The following CDH19 variants were observed in gnomAD, a reference collection of about 807,000 sequenced individuals.
CDH19 encodes cadherin 19.
Under a neutral mutation model 64.2 loss-of-function variants are expected in CDH19, and 67 were observed. The ratio of observed to expected loss-of-function variants is 1.04; its 90% CI spans 0.86 to 1.28. The LOEUF is 1.28. CDH19 is among the 50% of genes most tolerant of loss of function. CDH19 has a pLI of 0.00. For synonymous variants in CDH19, 346 were observed against 319.3 expected, an observed-to-expected ratio of 1.08 and a Z score of -0.89; for missense variants, 1,030 against 929.0, an observed-to-expected ratio of 1.11 and a Z score of -1.41.
intron 1 of CDH19, among the ~76,000 whole-genome samples, chr18:66,595,949 T>C (rs1397247244): frequency 6.6e-6 from 1 of 152,054 alleles, no homozygotes; most frequent in East Asian, 1.9e-4. Context: ...CAGCAACATA[T>C]CAAATTCAAT....
rs759463010 is a variant in CDH19 at position 66,554,497 on chromosome 18, C to T, written c.518G>A (p.Ser173Asn). The T allele has an allele frequency of 1.9e-6, 3 of 1,610,774 alleles. No individual in the cohort carries two copies. Among genetic ancestry groups the T allele is most frequent in the African/African-American group, 1.3e-5 (1 of 74,838 alleles). The change falls in exon 4 of 12, where the codon AGT becomes AAT. Residue 173 changes from serine to asparagine, a missense_variant. Transcript: ENST00000262150. Reference sequence around the variant, plus strand: ...ACCACTTGAGGGATCGTCAGCATCACTTGCTGTCACCTGGATAACTAATGT... The same window carrying T: ...ACCACTTGAGGGATCGTCAGCATCATTTGCTGTCACCTGGATAACTAATGT... ...EGTLVIQVTASDADDPSSGNN... is the reference protein window; with the variant it reads ...EGTLVIQVTANDADDPSSGNN...
intron 2 of CDH19, 129 bp from the exon 3 acceptor site, chr18:66,568,839 T>C (rs796748962): frequency 5.8e-6 from 4 of 692,788 alleles, no homozygotes; most frequent in African/African-American, 5.4e-5. Context: ...CACATTACAT[T>C]AAATGAGGCA....
intron 2 of CDH19, among the ~76,000 whole-genome samples, chr18:66,570,966 G>T (rs1277210715): frequency 6.6e-6 from 1 of 151,650 alleles, no homozygotes; most frequent in African/African-American, 2.4e-5. Flanking sequence ...AAGGTAGCTA[G>T]AGACTCAGTT....
intron 3 of CDH19, among the ~76,000 whole-genome samples, chr18:66,558,852 TG>T (rs1424999990): frequency 1.3e-5 from 2 of 152,192 alleles, no homozygotes; most frequent in East Asian, 3.9e-4. Flanking sequence ...TAAGAACATA[TG>T]TAAGTATTTC....
chr18:66,509,966 A>C (rs1234167614), intron 10 of CDH19, among the ~76,000 whole-genome samples: 2 of 151,866 alleles, frequency 1.3e-5, no homozygotes, highest in Non-Finnish European at 2.9e-5. Flanking sequence ...CATTCAAAAA[A>C]ATTCATGAAA....
In CDH19 at chr18:66,544,189, A is replaced by G; in HGVS notation, c.996T>C (p.Ile332=). 1 of 1,613,812 alleles carries G rather than the reference A, an allele frequency of 6.2e-7. No individual in the cohort carries two copies. The highest frequency in any genetic ancestry group is 1.1e-5 in the South Asian group (1 of 91,070). Reference sequence around the variant, plus strand: ...CATGATGGTTTTTAACTTTTGCTCTAATACCGTAGTGGTTCTGGTGCTCAA... The same window carrying G: ...CATGATGGTTTTTAACTTTTGCTCTGATACCGTAGTGGTTCTGGTGCTCAA... ...VDFEHQNHYG[I]RAKVKNHHVP... Residue 332 remains isoleucine (I), a synonymous_variant, in exon 7 of 12, where the codon ATT becomes ATC. Coordinates refer to ENST00000262150, the MANE Select transcript of CDH19 (RefSeq NM_021153.4).
chr18:66,564,166 G>A (rs900393887), intron 3 of CDH19, among the ~76,000 whole-genome samples: 34 of 151,682 alleles, frequency 2.2e-4, no homozygotes, highest in African/African-American at 7.7e-4. Context: ...TTCTATAAAA[G>A]CTCTCCTTTA....
intron 1 of CDH19, among the ~76,000 whole-genome samples, chr18:66,584,922 T>A (rs2144612086): frequency 6.6e-6 from 1 of 152,248 alleles, no homozygotes; most frequent in African/African-American, 2.4e-5. Context: ...CTTTGATTAT[T>A]TCAGAAGATA....
intron 7 of CDH19, among the ~76,000 whole-genome samples, chr18:66,540,731 C>T (rs996218483): frequency 6.6e-6 from 1 of 152,058 alleles, no homozygotes; most frequent in Admixed American, 6.6e-5. Context: ...CCACCTAATA[C>T]CATTTCATTG....
At chr18:66,548,639 A>C (rs1280613607) in intron 5 of CDH19, among the ~76,000 whole-genome samples, 1 of 152,162 alleles carries the variant, frequency 6.6e-6, no homozygotes, top group Non-Finnish European at 1.5e-5. Context: ...GAGAATTGAC[A>C]CTGCATTCCA....
rs150818004 is a variant in CDH19, at chr18:66,577,656, A to T, written c.-112-5340T>A. Among the ~76,000 whole-genome samples, 42 of 152,104 alleles carry T rather than the reference A, an allele frequency of 2.8e-4. No homozygotes were observed. The East Asian group carries it at 6.0e-3, about 22-fold the overall frequency. ...AAGTGCACTTGTTAAAAACTGTTAA[A>T]TTGGACCATATCAAAATGGAGATAA... On this transcript the variant is annotated intron_variant, in intron 1 of 11. Transcript: ENST00000262150.
intron 9 of CDH19, among the ~76,000 whole-genome samples, chr18:66,525,659 A>G (rs979535064): frequency 1.3e-5 from 2 of 152,154 alleles, no homozygotes; most frequent in Non-Finnish European, 2.9e-5. Context: ...ATGAGAAAGT[A>G]TCTACTATAA....
At chr18:66,508,404 T>TG (rs1489104868) in intron 11 of CDH19, among the ~76,000 whole-genome samples, 1 of 151,714 alleles carries the variant, frequency 6.6e-6, no homozygotes, top group Non-Finnish European at 1.5e-5. Context: ...GCGCTGTTTT[T>TG]TTTTTTAAAT....
At chr18:66,583,524 G>A (rs971025052) in intron 1 of CDH19, among the ~76,000 whole-genome samples, 5 of 151,970 alleles carry the variant, frequency 3.3e-5, no homozygotes, top group Non-Finnish European at 7.4e-5. Flanking sequence ...CCCAGTGTCT[G>A]TAGTTCCCTT....
chr18:66,589,192 G>A (rs1988669552), intron 1 of CDH19, among the ~76,000 whole-genome samples: 1 of 150,528 alleles, frequency 6.6e-6, no homozygotes, highest in African/African-American at 2.4e-5. Flanking sequence ...AGTTAACCAT[G>A]TTTATCACGT....
chr18:66,582,203 AT>A (rs1321345208), intron 1 of CDH19, among the ~76,000 whole-genome samples: 2 of 152,108 alleles, frequency 1.3e-5, no homozygotes, highest in Non-Finnish European at 2.9e-5. Context: ...TTAGTATATA[AT>A]TTTTCCCCTT....
chr18:66,543,747 G>A (rs1484150234), intron 7 of CDH19, among the ~76,000 whole-genome samples: 2 of 152,162 alleles, frequency 1.3e-5, no homozygotes, highest in African/African-American at 4.8e-5. Context: ...GCTGGGCGTG[G>A]TGGCGCATGC....
chr18:66,511,636 T>G lies in CDH19; in HGVS notation c.1508A>C (p.His503Pro), dbSNP rs182351851. ...TACAGATAGATTAAAGTAAAAATGG[T>G]GCTCTTCTATGGATTCATCTCTATC... ...AVDRDESIEE[H>P]HFYFNLSVED... is the part of the protein sequence containing the mutation. The change falls in exon 10 of 12, where the codon CAC (histidine) becomes CCC (proline). Residue 503 changes from histidine (H) to proline (P), a missense_variant. By Grantham distance (77) the His-to-Pro change is moderately conservative (BLOSUM62 -2). Transcript: ENST00000262150. 1 of 1,578,526 alleles carries G rather than the reference T, an allele frequency of 6.3e-7. No individual in the cohort carries two copies. The highest frequency in any genetic ancestry group is 8.7e-7 in the Non-Finnish European group (1 of 1,149,026).
intron 1 of CDH19, among the ~76,000 whole-genome samples, chr18:66,589,191 T>C (rs1988669477): frequency 6.6e-6 from 1 of 151,096 alleles, no homozygotes; most frequent in Non-Finnish European, 1.5e-5. Context: ...TAGTTAACCA[T>C]GTTTATCACG....
Sources: allele counts gnomAD v4.1 joint callset (sites outside exome capture counted in the v4.1 genomes callset), GRCh38; gene constraint gnomAD v4.1.1; transcripts MANE v1.5; gene names NCBI Gene and HGNC (gene_info 2026-07-23, HGNC 2026-07-21).